RBMS3: variants seen among roughly 807,000 people sequenced by gnomAD.
The protein encoded by RBMS3 is RNA-binding motif, single-stranded-interacting protein 3.
A neutral mutation model predicts 66.8 loss-of-function variants in RBMS3; 27 were observed. That is an observed-to-expected ratio of 0.40 (90% CI 0.30 to 0.56). RBMS3 has a LOEUF of 0.56. RBMS3 is among the 20% of genes least tolerant of loss of function. The probability of loss-of-function intolerance (pLI) is 0.40; values close to 1 mark genes in which losing one functional copy is unlikely to be tolerated. For synonymous variants in RBMS3, 188 were observed against 183.0 expected, an observed-to-expected ratio of 1.03 and a Z score of -0.22; for missense variants, 513 against 549.5, an observed-to-expected ratio of 0.93 and a Z score of 0.66.
intron 4 of RBMS3, among the ~76,000 whole-genome samples, chr3:29,704,940 A>G (rs1278584655): frequency 6.6e-6 from 1 of 152,200 alleles, no homozygotes; most frequent in Non-Finnish European, 1.5e-5. Context: ...TTACTTCCAA[A>G]TTCATAATGT....
intron 6 of RBMS3, among the ~76,000 whole-genome samples, chr3:29,821,402 A>G (rs1319313811): frequency 1.3e-5 from 2 of 152,156 alleles, no homozygotes; most frequent in African/African-American, 2.4e-5. Flanking sequence ...ACCTGGAAAT[A>G]GTCTACAATG....
At chr3:29,743,180 A>T (rs2054717351) in intron 5 of RBMS3, among the ~76,000 whole-genome samples, 1 of 152,170 alleles carries the variant, frequency 6.6e-6, no homozygotes, top group South Asian at 2.1e-4. Flanking sequence ...TTGGCTGTGC[A>T]TTTTCTCAAG....
At chr3:29,966,781 G>A (rs1376783888) in intron 12 of RBMS3, among the ~76,000 whole-genome samples, 1 of 152,126 alleles carries the variant, frequency 6.6e-6, no homozygotes, top group Non-Finnish European at 1.5e-5. Flanking sequence ...GTTCTCAGAG[G>A]GAATGCTTTC....
At chr3:29,645,192 T>A (rs1366682960) in intron 4 of RBMS3, among the ~76,000 whole-genome samples, 1 of 152,236 alleles carries the variant, frequency 6.6e-6, no homozygotes, top group Non-Finnish European at 1.5e-5. Context: ...AAGAGCTTGT[T>A]TGAGCAATGG....
At chr3:29,467,742 C>A (rs937515042) in intron 2 of RBMS3, among the ~76,000 whole-genome samples, 1 of 152,074 alleles carries the variant, frequency 6.6e-6, no homozygotes, top group Admixed American at 6.5e-5. Context: ...TTAGAGTAAT[C>A]TAGTAGAAAT....
intron 3 of RBMS3, among the ~76,000 whole-genome samples, chr3:29,537,009 T>C (rs549662893): frequency 1.3e-5 from 2 of 152,322 alleles, no homozygotes; most frequent in East Asian, 1.9e-4. Context: ...ATAATTCTTA[T>C]TTCATGCCTA....
intron 1 of RBMS3, among the ~76,000 whole-genome samples, chr3:29,361,506 G>C (rs191200323): frequency 6.6e-6 from 1 of 152,086 alleles, no homozygotes; most frequent in South Asian, 2.1e-4. Flanking sequence ...CAACTTTGGC[G>C]AATCTGACAA....
intron 3 of RBMS3, among the ~76,000 whole-genome samples, chr3:29,560,651 T>A (rs1424848509): frequency 6.6e-6 from 1 of 152,138 alleles, no homozygotes; most frequent in Non-Finnish European, 1.5e-5. Context: ...AATTAAAGAA[T>A]GTTGTGATTT....
intron 4 of RBMS3, chr3:29,696,899 C>G (rs896776665): frequency 1.1e-6 from 1 of 938,308 alleles, no homozygotes; most frequent in Non-Finnish European, 1.3e-6. Flanking sequence ...TATACACCAA[C>G]CCCTGATTGA....
chr3:29,311,794 G>A (rs1342677891), intron 1 of RBMS3, among the ~76,000 whole-genome samples: 1 of 151,738 alleles, frequency 6.6e-6, no homozygotes, highest in Non-Finnish European at 1.5e-5. Context: ...ACCTAGGGGT[G>A]AAGGAATAAG....
intron 10 of RBMS3, among the ~76,000 whole-genome samples, chr3:29,930,109 C>CTTTCTTTCTTTCTTTTTTT (rs71091082): frequency 2.3e-5 from 1 of 43,564 alleles, no homozygotes. Context: ...TTCTTTCTTT[C>CTTTCTTTCTTTCTTTTTTT]TTTTTTTTTT....
chr3:29,568,318 A>G (rs571213310), intron 3 of RBMS3, among the ~76,000 whole-genome samples: 173 of 152,318 alleles, frequency 1.1e-3, no homozygotes, highest in African/African-American at 3.6e-3. Context: ...CCAGTCCTGT[A>G]TTTTTAAATA....
chr3:29,376,417 A>G (rs190065468), intron 1 of RBMS3, among the ~76,000 whole-genome samples: 41 of 152,236 alleles, frequency 2.7e-4, no homozygotes, highest in Non-Finnish European at 4.9e-4. Context: ...CCTTACCCCT[A>G]TCCATATGTA....
intron 4 of RBMS3, among the ~76,000 whole-genome samples, chr3:29,694,610 C>T (rs1398865231): frequency 6.6e-6 from 1 of 151,992 alleles, no homozygotes; most frequent in African/African-American, 2.4e-5. Context: ...TAATTTCCTG[C>T]TTGATTTTTT....
chr3:29,752,149 G>T (rs2055210965), intron 5 of RBMS3, among the ~76,000 whole-genome samples: 1 of 152,170 alleles, frequency 6.6e-6, no homozygotes, highest in African/African-American at 2.4e-5. Context: ...CAGCAGGAAG[G>T]GGAGCTGGAA....
intron 1 of RBMS3, among the ~76,000 whole-genome samples, chr3:29,432,024 A>G (rs1456815885): frequency 2.6e-5 from 4 of 152,136 alleles, no homozygotes; most frequent in Non-Finnish European, 5.9e-5. Context: ...CATAGTGCCC[A>G]GTCTGGACAA....
chr3:29,885,415 G>A (rs1577068632), intron 8 of RBMS3, among the ~76,000 whole-genome samples: 1 of 151,944 alleles, frequency 6.6e-6, no homozygotes, highest in Admixed American at 6.6e-5. Context: ...GGAGAAGAAA[G>A]TCCTCTAGAA....
chr3:29,302,176 A>G (rs1575500337), intron 1 of RBMS3, among the ~76,000 whole-genome samples: 1 of 151,836 alleles, frequency 6.6e-6, no homozygotes, highest in Middle Eastern at 3.4e-3. Context: ...CATTCATCCA[A>G]TTTTTAAAAA....
intron 1 of RBMS3, among the ~76,000 whole-genome samples, chr3:29,376,500 G>T (rs983650898): frequency 4.6e-5 from 7 of 152,232 alleles, no homozygotes; most frequent in African/African-American, 1.7e-4. Flanking sequence ...GCCGGGTGCG[G>T]TGGTTCACGC....
Sources: allele counts gnomAD v4.1 joint callset (sites outside exome capture counted in the v4.1 genomes callset), GRCh38; gene constraint gnomAD v4.1.1; transcripts MANE v1.5; gene names NCBI Gene and HGNC (gene_info 2026-07-23, HGNC 2026-07-21).